CNTNAP2: variants seen among roughly 807,000 people sequenced by gnomAD.
The protein encoded by CNTNAP2 is contactin-associated protein-like 2.
In CNTNAP2, 98 loss-of-function variants were observed where a neutral mutation model predicts 155.2. The ratio of observed to expected loss-of-function variants is 0.63; its 90% CI spans 0.54 to 0.75. The LOEUF (loss-of-function observed/expected upper bound fraction) is 0.75, where lower values mean the gene tolerates loss of function less well. Ranked by LOEUF, CNTNAP2 falls within the 30% of genes least tolerant of loss-of-function variation. CNTNAP2 has a pLI of 0.00. For synonymous variants in CNTNAP2, 651 were observed against 631.2 expected (o/e 1.03, Z -0.47); for missense variants, 1,727 against 1,688.1 (o/e 1.02, Z -0.40).
intron 22 of CNTNAP2, among the ~76,000 whole-genome samples, chr7:148,394,754 T>TCCAACAAGCTCCCAGGTGCTGCTGA (rs1799429092): frequency 6.6e-6 from 1 of 152,198 alleles, no homozygotes; most frequent in Non-Finnish European, 1.5e-5. Flanking sequence ...ATTCTGCATT[T>TCCAACAAGCTCCCAGGTGCTGCTGA]CCAACAAGCT....
At chr7:147,598,167 CTTTTTTTTT>C (rs57317671) in intron 12 of CNTNAP2, among the ~76,000 whole-genome samples, 1 of 147,852 alleles carries the variant, frequency 6.8e-6, no homozygotes, top group Non-Finnish European at 1.5e-5. Flanking sequence ...TTCTTTCTTT[CTTTTTTTTT>C]TTTTCTACTT....
intron 1 of CNTNAP2, among the ~76,000 whole-genome samples, chr7:146,199,709 A>G (rs1469739209): frequency 6.6e-6 from 1 of 152,208 alleles, no homozygotes; most frequent in African/African-American, 2.4e-5. Flanking sequence ...GACTTCATTC[A>G]GGTCAATAGA....
chr7:147,019,941 G>A (rs573319770), intron 3 of CNTNAP2, among the ~76,000 whole-genome samples: 175 of 152,172 alleles, frequency 1.2e-3, no homozygotes, highest in Non-Finnish European at 1.4e-3. Context: ...AGCAGGTAGC[G>A]TGAGAAAATG....
At chr7:146,216,502 C>T (rs17577839) in intron 1 of CNTNAP2, among the ~76,000 whole-genome samples, 11,971 of 152,096 alleles carry the variant, frequency 0.079, 507 homozygotes, top group Middle Eastern at 0.14. Flanking sequence ...CTTTGCACTC[C>T]CCGAAGCCAA....
intron 5 of CNTNAP2, among the ~76,000 whole-genome samples, chr7:147,116,000 T>TTTG (rs890770530): frequency 6.6e-6 from 1 of 151,872 alleles, no homozygotes; most frequent in Non-Finnish European, 1.5e-5. Context: ...TTTTGTGGGG[T>TTTG]TTGTTGTTGT....
chr7:147,019,778 G>T (rs1440455261), intron 3 of CNTNAP2, among the ~76,000 whole-genome samples: 1 of 152,016 alleles, frequency 6.6e-6, no homozygotes, highest in African/African-American at 2.4e-5. Flanking sequence ...AAAGTACTTT[G>T]TGTAATAATG....
intron 1 of CNTNAP2, among the ~76,000 whole-genome samples, chr7:146,138,823 C>A (rs1316662190): frequency 6.6e-6 from 1 of 152,072 alleles, no homozygotes; most frequent in East Asian, 1.9e-4. Context: ...TTGTAAATGG[C>A]TTACATATTC....
chr7:146,583,862 A>G (rs927198741), intron 1 of CNTNAP2, among the ~76,000 whole-genome samples: 2 of 152,176 alleles, frequency 1.3e-5, no homozygotes, highest in Non-Finnish European at 2.9e-5. Context: ...ATATTTATAC[A>G]CAGTTGTATA....
At chr7:146,495,413 C>G (rs1274344446) in intron 1 of CNTNAP2, among the ~76,000 whole-genome samples, 1 of 152,096 alleles carries the variant, frequency 6.6e-6, no homozygotes, top group Non-Finnish European at 1.5e-5. Context: ...TTGTTTGTGT[C>G]TAGCCCTTGC....
intron 1 of CNTNAP2, among the ~76,000 whole-genome samples, chr7:146,451,833 T>C (rs369716290): frequency 1.4e-4 from 9 of 62,576 alleles, no homozygotes; most frequent in Non-Finnish European, 2.2e-4. Context: ...CGTATATATA[T>C]ACATATATAT....
chr7:148,211,125 G>C lies in CNTNAP2; in HGVS notation c.3011-6163G>C, dbSNP rs562433795. 9.8e-5 allele frequency among the ~76,000 whole-genome samples: 15 copies of C among 152,308 alleles called. No homozygotes were observed. The South Asian group carries it at 3.1e-3, about 32-fold the overall frequency. On this transcript the variant is annotated intron_variant, in intron 18 of 23. Coordinates refer to ENST00000361727, the MANE Select transcript of CNTNAP2 (RefSeq NM_014141.6). ...CTTTTACTAGGTGACTAATTAAAAAGCAGTTAATGAGAGTGATCATTCTGG... is the reference window on the plus strand; with the variant it reads ...CTTTTACTAGGTGACTAATTAAAAACCAGTTAATGAGAGTGATCATTCTGG...
chr7:148,308,424 AACGAATGTACCTAC>A (rs36045961), intron 21 of CNTNAP2, among the ~76,000 whole-genome samples: 30,824 of 151,960 alleles, frequency 0.2, 3,177 homozygotes, highest in South Asian at 0.33. Flanking sequence ...CATGGCTAAG[AACGAATGTACCTAC>A]ACATCTGTGC....
chr7:146,267,182 C>T (rs137969258), intron 1 of CNTNAP2, among the ~76,000 whole-genome samples: 39 of 152,226 alleles, frequency 2.6e-4, no homozygotes, highest in African/African-American at 9.1e-4. Context: ...TTTAGTAACC[C>T]TCTTTTTATG....
chr7:147,499,784 A>G (rs940109725), intron 11 of CNTNAP2, among the ~76,000 whole-genome samples: 21 of 152,290 alleles, frequency 1.4e-4, no homozygotes, highest in African/African-American at 4.8e-4. Flanking sequence ...TGCACTCTTC[A>G]TCTGTATATA....
chr7:147,820,606 A>C (rs563789769), intron 13 of CNTNAP2, among the ~76,000 whole-genome samples: 1 of 152,264 alleles, frequency 6.6e-6, no homozygotes, highest in South Asian at 2.1e-4. Context: ...TTCATAAAAA[A>C]TATTCTCCTA....
intron 8 of CNTNAP2, among the ~76,000 whole-genome samples, chr7:147,182,356 T>G (rs1380547661): frequency 6.6e-6 from 1 of 152,108 alleles, no homozygotes; most frequent in Non-Finnish European, 1.5e-5. Context: ...ATTTTTTAAA[T>G]TACTGTTTTA....
intron 1 of CNTNAP2, among the ~76,000 whole-genome samples, chr7:146,298,787 G>A (rs531933315): frequency 1.3e-5 from 2 of 152,216 alleles, no homozygotes; most frequent in Non-Finnish European, 2.9e-5. Flanking sequence ...GAATGTAAGA[G>A]TGATAGTGAT....
intron 8 of CNTNAP2, among the ~76,000 whole-genome samples, chr7:147,176,645 T>C (rs899907975): frequency 7.2e-6 from 1 of 139,124 alleles, no homozygotes; most frequent in Non-Finnish European, 1.5e-5. Flanking sequence ...ATATAATATT[T>C]ATAATATAAT....
chr7:147,146,493 C>A (rs1444958709), intron 8 of CNTNAP2: 1 of 153,424 alleles, frequency 6.5e-6, no homozygotes, highest in Non-Finnish European at 1.5e-5. Context: ...GATAGCTCTT[C>A]TGGGTGTTAT....
Sources: allele counts gnomAD v4.1 joint callset (sites outside exome capture counted in the v4.1 genomes callset), GRCh38; gene constraint gnomAD v4.1.1; transcripts MANE v1.5; gene names NCBI Gene and HGNC (gene_info 2026-07-23, HGNC 2026-07-21).